The following KLHL4 variants were observed in gnomAD, a reference collection of about 807,000 sequenced individuals.
The protein encoded by KLHL4 is kelch-like protein 4.
A neutral mutation model predicts 45.8 loss-of-function variants in KLHL4; 17 were observed. The ratio of observed to expected loss-of-function variants is 0.37; its 90% confidence interval spans 0.25 to 0.56. KLHL4 has a LOEUF of 0.56. Ranked by LOEUF, KLHL4 falls within the 20% of genes least tolerant of loss-of-function variation. The pLI, the probability that KLHL4 is intolerant of heterozygous loss-of-function variation, is 0.79. For missense variants in KLHL4, 544 were observed against 544.9 expected, an observed-to-expected ratio of 1.00 and a Z score of 0.02; for synonymous variants, 224 against 189.9, an observed-to-expected ratio of 1.18 and a Z score of -1.47.
At chrX:87,558,849 G>A (rs889602360) in intron 1 of KLHL4, among the ~76,000 whole-genome samples, 1 of 111,910 alleles carries the variant, frequency 8.9e-6, no homozygotes, top group Non-Finnish European at 1.9e-5. Context: ...AGAGAAATTT[G>A]AGAATCCATT....
At chrX:87,616,536 C>G (rs2281310) in intron 3 of KLHL4, among the ~76,000 whole-genome samples, 20,782 of 110,724 alleles carry the variant, frequency 0.19, 1,455 homozygotes, top group Non-Finnish European at 0.21. Flanking sequence ...ATAATTCAGC[C>G]AGCTGGCTTG....
intron 9 of KLHL4, among the ~76,000 whole-genome samples, chrX:87,638,169 G>C (rs1017941890): frequency 8.1e-5 from 9 of 111,010 alleles, no homozygotes; most frequent in African/African-American, 2.9e-4. Flanking sequence ...TTAAAAAAAT[G>C]AACAAAGCCT....
At chrX:87,631,274 C>T (rs773617579) in intron 6 of KLHL4, among the ~76,000 whole-genome samples, 14 of 111,691 alleles carry the variant, frequency 1.3e-4, no homozygotes, top group East Asian at 5.7e-4. Flanking sequence ...CCTTTCCTAT[C>T]GGTGCAGCTG....
In KLHL4 at chrX:87,667,182, A is replaced by G. The variant is rs1366830034; in HGVS notation, c.*648A>G. On this transcript the variant is annotated 3_prime_UTR_variant, in exon 11 of 11. Transcript: ENST00000373119. ...TGCTCATCTGCCAGAGCACACATAT[A>G]AATTTGGTATTTCTTAACATATTAT... The G allele has an allele frequency of 1.3e-6, 1 of 746,496 alleles. No individual in the cohort carries two copies. The highest frequency in any genetic ancestry group is 2.3e-5 in the African/African-American group (1 of 42,995). The allele number at this position is 746,496 out of a possible 1,213,427, so 61.5% of individuals were successfully genotyped here.
At chrX:87,641,777 A>C (rs1923468528) in intron 9 of KLHL4, among the ~76,000 whole-genome samples, 1 of 110,371 alleles carries the variant, frequency 9.1e-6, no homozygotes, top group South Asian at 4.0e-4. Context: ...GCTTTCCCCC[A>C]CTTCCCTGAC....
At chrX:87,645,834 T>C (rs1923611629) in intron 9 of KLHL4, among the ~76,000 whole-genome samples, 1 of 111,237 alleles carries the variant, frequency 9.0e-6, no homozygotes, top group African/African-American at 3.3e-5. Context: ...CTCGCTGATA[T>C]GTGGGAGCTA....
chrX:87,532,249 T>G (rs1282186200), intron 1 of KLHL4, among the ~76,000 whole-genome samples: 1 of 110,201 alleles, frequency 9.1e-6, no homozygotes, highest in Non-Finnish European at 1.9e-5. Context: ...GTTGTAGATA[T>G]GCAGCATTAT....
chrX:87,604,760 T>A (rs2179672), intron 1 of KLHL4, among the ~76,000 whole-genome samples: 2 of 110,185 alleles, frequency 1.8e-5, no homozygotes, highest in Non-Finnish European at 3.8e-5. Flanking sequence ...ATAAAAAAAC[T>A]TTTCAGTTTG....
intron 9 of KLHL4, among the ~76,000 whole-genome samples, chrX:87,642,128 A>C (rs1923482117): frequency 9.0e-6 from 1 of 110,611 alleles, no homozygotes; most frequent in Non-Finnish European, 1.9e-5. Flanking sequence ...AAGAATCCTC[A>C]CAGACTCCAT....
At chrX:87,561,012 A>C (rs1932086640) in intron 1 of KLHL4, among the ~76,000 whole-genome samples, 1 of 111,564 alleles carries the variant, frequency 9.0e-6, no homozygotes, top group African/African-American at 3.3e-5. Flanking sequence ...AAAATGGATT[A>C]AAGACCAAAA....
At chrX:87,642,018 A>C (rs867120796) in intron 9 of KLHL4, among the ~76,000 whole-genome samples, 16 of 106,367 alleles carry the variant, frequency 1.5e-4, no homozygotes, top group Admixed American at 5.2e-4. Context: ...ACCCACGGCC[A>C]GTCCCTCTCC....
At chrX:87,636,168 TC>T (rs1569358755) in intron 9 of KLHL4, among the ~76,000 whole-genome samples, 1 of 112,307 alleles carries the variant, frequency 8.9e-6, no homozygotes, top group African/African-American at 3.2e-5. Context: ...TTTTAAATAT[TC>T]CGTATACATT....
intron 1 of KLHL4, among the ~76,000 whole-genome samples, chrX:87,591,084 G>A (rs140466100): frequency 0.032 from 3,505 of 111,216 alleles, 126 homozygotes; most frequent in African/African-American, 0.11. Flanking sequence ...CATAATGGCC[G>A]TACTAATTTA....
chrX:87,611,506 C>G (rs1922369206), intron 1 of KLHL4, among the ~76,000 whole-genome samples: 1 of 110,905 alleles, frequency 9.0e-6, no homozygotes, highest in South Asian at 3.8e-4. Flanking sequence ...ACAATGCAAC[C>G]ATTGTTCACA....
intron 1 of KLHL4, among the ~76,000 whole-genome samples, chrX:87,530,715 A>G (rs865993477): frequency 1.4e-4 from 14 of 102,650 alleles, no homozygotes; most frequent in African/African-American, 4.0e-4. Flanking sequence ...ATTGTGAATA[A>G]TGCCGCAATA....
rs182571255 is a variant in KLHL4, at chrX:87,542,170, T to G, written c.422+23855T>G. On this transcript the variant is annotated intron_variant, in intron 1 of 10. Transcript: ENST00000373119. ...TGTATGTGTTCACAAAGAGATGATT[T>G]GAAATTGGAACTTATGTTTAAAAGG... 3.6e-3 allele frequency among the ~76,000 whole-genome samples: 399 copies of G among 112,185 alleles called. 6 individuals are homozygous for G. The South Asian group carries it at 0.048, about 13-fold the overall frequency.
intron 9 of KLHL4, among the ~76,000 whole-genome samples, chrX:87,636,839 C>T (rs770857904): frequency 1.1e-4 from 12 of 109,661 alleles, no homozygotes; most frequent in Non-Finnish European, 2.3e-4. Context: ...CAAGGAGAGT[C>T]TGAGCTCAGA....
At chrX:87,532,194 C>A (rs1931304104) in intron 1 of KLHL4, among the ~76,000 whole-genome samples, 1 of 109,012 alleles carries the variant, frequency 9.2e-6, no homozygotes, top group Non-Finnish European at 1.9e-5. Flanking sequence ...ATAGGGAATC[C>A]TTTCCCCATT....
chrX:87,656,948 C>T (rs1034203698), intron 9 of KLHL4, among the ~76,000 whole-genome samples: 1 of 111,603 alleles, frequency 9.0e-6, no homozygotes, highest in East Asian at 2.8e-4. Context: ...TTTTCAGTGG[C>T]AAAGACTCTG....
Sources: allele counts gnomAD v4.1 joint callset (sites outside exome capture counted in the v4.1 genomes callset), GRCh38; gene constraint gnomAD v4.1.1; transcripts MANE v1.5; gene names NCBI Gene and HGNC (gene_info 2026-07-23, HGNC 2026-07-21).